CENPP: variants seen among roughly 807,000 people sequenced by gnomAD.
The protein encoded by CENPP is centromere protein P.
Under a neutral mutation model 35.6 loss-of-function variants are expected in CENPP, and 24 were observed. That is an observed-to-expected ratio of 0.67 (90% confidence interval 0.49 to 0.95). CENPP has a LOEUF of 0.95. Among genes scored for constraint, CENPP ranks in the 40% least tolerant of loss-of-function variants. The pLI is 0.00. For missense variants in CENPP, 332 were observed against 345.3 expected, an observed-to-expected ratio of 0.96 and a Z score of 0.31; for synonymous variants, 120 against 125.5, an observed-to-expected ratio of 0.96 and a Z score of 0.29.
At chr9:92,468,809 T>G (rs981967247) in intron 5 of CENPP, among the ~76,000 whole-genome samples, 1 of 152,302 alleles carries the variant, frequency 6.6e-6, no homozygotes, top group South Asian at 2.1e-4. Context: ...CCTCCATTGC[T>G]CTACACCTGA....
intron 5 of CENPP, chr9:92,417,361 G>A (rs752701458): frequency 1.9e-6 from 3 of 1,614,020 alleles, no homozygotes; most frequent in East Asian, 2.2e-5. Context: ...TTGGACAGAA[G>A]CATTCACTGA....
At chr9:92,497,953 C>T (rs567234471) in intron 5 of CENPP, among the ~76,000 whole-genome samples, 1 of 151,934 alleles carries the variant, frequency 6.6e-6, no homozygotes, top group Admixed American at 6.5e-5. Context: ...TCTCTACACA[C>T]TCCATCTCCC....
chr9:92,337,540 G>C lies in CENPP; in HGVS notation c.290-1G>C. 1 of 1,555,636 alleles carries C rather than the reference G, an allele frequency of 6.4e-7. No individual in the cohort carries two copies. The highest frequency in any genetic ancestry group is 8.9e-7 in the Non-Finnish European group (1 of 1,128,070). ...AAAATATTTGTTTTTCTGCTTTACAGGTATTAGAAAAGTTCTACAGAGACA... is the reference window on the plus strand; with the variant it reads ...AAAATATTTGTTTTTCTGCTTTACACGTATTAGAAAAGTTCTACAGAGACA... On this transcript the variant is annotated splice_acceptor_variant, in intron 2 of 7. Transcript: ENST00000375587. LOFTEE classifies it high-confidence loss of function.
At position 92,617,187 on chromosome 9, in the gene CENPP, AG is replaced by A. The variant is rs1247694583; in HGVS notation, c.*4042del. On this transcript the variant is annotated 3_prime_UTR_variant, in exon 8 of 8. Transcript: ENST00000375587. Reference sequence around the variant, plus strand: ...TGGAGTGTGCCTGCAGCTCATCCCAAGGGGCCACATTTTATTGGGAGAACCT... The same window carrying A: ...TGGAGTGTGCCTGCAGCTCATCCCAAGGGCCACATTTTATTGGGAGAACCT... 2 of 152,240 alleles carry A rather than the reference AG, an allele frequency of 1.3e-5. No individual in the cohort carries two copies. The highest frequency in any genetic ancestry group is 4.8e-5 in the African/African-American group (2 of 41,440). 9.4% of individuals were successfully genotyped at this position (152,240 alleles called of 1,614,324 possible). A position where few individuals can be genotyped will look rare whatever the true frequency, so the allele number is the denominator to read the frequency against.
At chr9:92,342,999 C>T (rs953434151) in intron 3 of CENPP, among the ~76,000 whole-genome samples, 2 of 152,156 alleles carry the variant, frequency 1.3e-5, no homozygotes, top group African/African-American at 2.4e-5. Context: ...AATGACACAG[C>T]AACCTTGTGT....
Position 92,597,869 on chromosome 9 carries a change from G to GT in CENPP, c.565-13439dup, listed in dbSNP as rs1342812057. On this transcript the variant is annotated intron_variant, in intron 5 of 7. Transcript: ENST00000375587. ...CTCTAGTAATCTTAATGGGAAGTCA[G>GT]TTTTTTATGGGTACATTTGCCTTTA... is the stretch of plus-strand genomic sequence containing the variant. Among the ~76,000 whole-genome samples the GT allele has an allele frequency of 2.0e-5, 3 of 152,208 alleles. No individual in the cohort carries two copies. In the East Asian group the frequency reaches 5.8e-4, roughly 29 times the overall value.
At chr9:92,365,091 A>T (rs1400845832) in intron 4 of CENPP, among the ~76,000 whole-genome samples, 1 of 152,238 alleles carries the variant, frequency 6.6e-6, no homozygotes, top group Non-Finnish European at 1.5e-5. Context: ...TGAACAAAAG[A>T]AAAGCCCGTC....
At chr9:92,436,519 C>G (rs1844249598) in intron 5 of CENPP, among the ~76,000 whole-genome samples, 2 of 152,160 alleles carry the variant, frequency 1.3e-5, no homozygotes, top group African/African-American at 4.8e-5. Context: ...ATGTTATTTT[C>G]TAAAAGTATA....
At chr9:92,561,335 AT>A (rs1308621635) in intron 5 of CENPP, among the ~76,000 whole-genome samples, 1 of 152,158 alleles carries the variant, frequency 6.6e-6, no homozygotes, top group Non-Finnish European at 1.5e-5. Context: ...ATTGTAGATA[AT>A]TCATGGAACT....
intron 5 of CENPP, among the ~76,000 whole-genome samples, chr9:92,585,415 T>C (rs889092892): frequency 6.6e-6 from 1 of 152,184 alleles, no homozygotes; most frequent in Non-Finnish European, 1.5e-5. Context: ...CACCAGTTGA[T>C]GAGAATTTGA....
chr9:92,545,058 A>C (rs893149961), intron 5 of CENPP, among the ~76,000 whole-genome samples: 1 of 152,188 alleles, frequency 6.6e-6, no homozygotes, highest in Non-Finnish European at 1.5e-5. Context: ...GACAGTAAGA[A>C]AATCTTAAGA....
chr9:92,540,885 G>C (rs758869343), intron 5 of CENPP, among the ~76,000 whole-genome samples: 5 of 152,060 alleles, frequency 3.3e-5, no homozygotes, highest in Admixed American at 2.0e-4. Flanking sequence ...AAATATTAAA[G>C]AGCAAAAATA....
Position 92,567,373 on chromosome 9 carries a change from G to GATATATATAT in CENPP, c.565-43927_565-43918dup. 4.2e-3 allele frequency among the ~76,000 whole-genome samples: 537 copies of GATATATATAT among 129,026 alleles called. 12 individuals carry two copies. Among genetic ancestry groups the GATATATATAT allele is most frequent in the East Asian group, 6.9e-3 (27 of 3,922 alleles). 84.6% of individuals were successfully genotyped at this position (129,026 alleles called of 152,430 possible). A position where few individuals can be genotyped will look rare whatever the true frequency, so the allele number is the denominator to read the frequency against. On this transcript the variant is annotated intron_variant, in intron 5 of 7. Coordinates refer to ENST00000375587, the MANE Select transcript of CENPP (RefSeq NM_001012267.3). ...ATGGGGTATACAGTTACATAAGATA[G>GATATATATAT]ATATATATATATATATATATATAGA...
chr9:92,545,640 C>T (rs1286119278), intron 5 of CENPP, among the ~76,000 whole-genome samples: 1 of 152,198 alleles, frequency 6.6e-6, no homozygotes, highest in African/African-American at 2.4e-5. Context: ...GGGCACAGGG[C>T]GCGGGACTGG....
intron 2 of CENPP, among the ~76,000 whole-genome samples, chr9:92,334,101 T>G (rs1331378470): frequency 1.3e-5 from 2 of 150,920 alleles, no homozygotes; most frequent in Non-Finnish European, 2.9e-5. Context: ...TAAGTGTTAC[T>G]GCAAAGTAAT....
At chr9:92,563,755 T>C (rs1849899223) in intron 5 of CENPP, among the ~76,000 whole-genome samples, 1 of 149,402 alleles carries the variant, frequency 6.7e-6, no homozygotes, top group African/African-American at 2.5e-5. Flanking sequence ...TCATCCTCCC[T>C]CCCCCTCTTC....
intron 5 of CENPP, chr9:92,505,780 G>A: frequency 9.2e-7 from 1 of 1,089,300 alleles, no homozygotes; most frequent in Non-Finnish European, 1.3e-6. Flanking sequence ...GAAATGGCCG[G>A]TTTATTTGGA....
chr9:92,353,900 C>T (rs1438824720), intron 4 of CENPP, among the ~76,000 whole-genome samples: 1 of 152,118 alleles, frequency 6.6e-6, no homozygotes, highest in Admixed American at 6.6e-5. Context: ...GCATACATGG[C>T]CTTCTGGAGA....
chr9:92,529,651 G>C (rs1328523583), intron 5 of CENPP, among the ~76,000 whole-genome samples: 4 of 152,154 alleles, frequency 2.6e-5, no homozygotes, highest in Non-Finnish European at 4.4e-5. Flanking sequence ...ATCAAGCCAT[G>C]AAAATACATG....
Sources: allele counts gnomAD v4.1 joint callset (sites outside exome capture counted in the v4.1 genomes callset), GRCh38; gene constraint gnomAD v4.1.1; transcripts MANE v1.5; gene names NCBI Gene and HGNC (gene_info 2026-07-23, HGNC 2026-07-21).